The following TMEM132C variants were observed in gnomAD, a reference collection of about 807,000 sequenced individuals.
The protein encoded by TMEM132C is transmembrane protein 132C, also known as protein phosphatase 1, regulatory subunit 152.
TMEM132C carries 29 observed loss-of-function variants against 61.4 expected under a neutral mutation model. The ratio of observed to expected loss-of-function variants is 0.47; its 90% confidence interval spans 0.35 to 0.64. The LOEUF (loss-of-function observed/expected upper bound fraction) is 0.64, where lower values mean the gene tolerates loss of function less well. TMEM132C is among the 30% of genes least tolerant of loss of function. The pLI is 0.00. For missense variants in TMEM132C, 1,408 were observed against 1,476.9 expected (o/e 0.95, Z 0.76); for synonymous variants, 656 against 633.1 (o/e 1.04, Z -0.54).
intron 1 of TMEM132C, among the ~76,000 whole-genome samples, chr12:128,308,125 G>A (rs1871844291): frequency 6.6e-6 from 1 of 152,182 alleles, no homozygotes; most frequent in South Asian, 2.1e-4. Flanking sequence ...GGAGCTGCAG[G>A]TGGCCGTCTT....
intron 1 of TMEM132C, among the ~76,000 whole-genome samples, chr12:128,352,738 A>G (rs1873379394): frequency 1.3e-5 from 2 of 152,186 alleles, no homozygotes; most frequent in African/African-American, 4.8e-5. Flanking sequence ...CAGGGAGTCT[A>G]ATAGTTCACA....
chr12:128,695,908 C>T lies in TMEM132C; in HGVS notation c.1734C>T (p.Thr578=), dbSNP rs1473886530. ...RGCALQYQHA[T]VRVLTQFVSE... is the part of the protein sequence containing the mutation. The stretch of plus-strand genomic sequence containing the variant: ...GCGCACTGCAATACCAGCACGCCAC[C>T]GTGCGGGTCCTCACCCAGTTTGTGT... Residue 578 remains threonine, a synonymous_variant, in exon 7 of 9, where the codon ACC becomes ACT. Transcript: ENST00000435159. 15 of 1,551,548 alleles carry T rather than the reference C, an allele frequency of 9.7e-6. No individual in the cohort carries two copies. The highest frequency in any genetic ancestry group is 1.7e-4 in the Middle Eastern group (1 of 6,014).
At chr12:128,441,863 G>A (rs1593054594) in intron 2 of TMEM132C, among the ~76,000 whole-genome samples, 2 of 152,146 alleles carry the variant, frequency 1.3e-5, no homozygotes, top group African/African-American at 2.4e-5. Context: ...TTAGCCAGGT[G>A]TGGTGGTGGG....
At chr12:128,652,983 G>A (rs1028438043) in intron 4 of TMEM132C, among the ~76,000 whole-genome samples, 4 of 152,246 alleles carry the variant, frequency 2.6e-5, no homozygotes, top group South Asian at 4.1e-4. Context: ...TTAAATGTTC[G>A]TAGCAGCATT....
chr12:128,702,788 A>G (rs550855960), intron 8 of TMEM132C, among the ~76,000 whole-genome samples: 2 of 152,324 alleles, frequency 1.3e-5, no homozygotes, highest in Admixed American at 1.3e-4. Flanking sequence ...TTGCTGCTGT[A>G]TCTCTGGCTC....
intron 5 of TMEM132C, among the ~76,000 whole-genome samples, chr12:128,690,691 A>T (rs1036394581): frequency 3.3e-5 from 5 of 152,144 alleles, no homozygotes; most frequent in African/African-American, 1.2e-4. Flanking sequence ...CAAGCCTGGG[A>T]TGGCAACTAA....
intron 3 of TMEM132C, among the ~76,000 whole-genome samples, chr12:128,607,192 A>C (rs538779724): frequency 6.6e-6 from 1 of 152,178 alleles, no homozygotes; most frequent in Non-Finnish European, 1.5e-5. Flanking sequence ...AGCAAAGTGC[A>C]ATGATCCTAA....
chr12:128,568,928 T>C (rs1874786299), intron 3 of TMEM132C, among the ~76,000 whole-genome samples: 1 of 152,190 alleles, frequency 6.6e-6, no homozygotes, highest in Non-Finnish European at 1.5e-5. Flanking sequence ...AAATATTTAC[T>C]GAGATCCTTC....
chr12:128,347,399 C>G (rs1402713622), intron 1 of TMEM132C, among the ~76,000 whole-genome samples: 1 of 3,458 alleles, frequency 2.9e-4, no homozygotes, highest in Non-Finnish European at 2.9e-3. Flanking sequence ...ATATGTATGT[C>G]TCTCTCTCTC....
intron 2 of TMEM132C, among the ~76,000 whole-genome samples, chr12:128,502,412 A>T (rs555493032): frequency 6.6e-6 from 1 of 152,352 alleles, no homozygotes; most frequent in African/African-American, 2.4e-5. Context: ...GGCCATTTGG[A>T]TAATAATGGT....
Position 128,691,587 on chromosome 12 carries a change from T to A in TMEM132C, c.1450-2242T>A, listed in dbSNP as rs1252159541. 3.9e-5 allele frequency among the ~76,000 whole-genome samples: 6 copies of A among 152,246 alleles called. No individual in the cohort carries two copies. In the East Asian group the frequency reaches 1.2e-3, roughly 29 times the overall value. On this transcript the variant is annotated intron_variant, in intron 5 of 8. Transcript: ENST00000435159. Reference sequence around the variant, plus strand: ...ACCCATCTGTCTGTCCATCAGTGTGTGCATCTGTCCATCTGTTCAGCTGTC... The same window carrying A: ...ACCCATCTGTCTGTCCATCAGTGTGAGCATCTGTCCATCTGTTCAGCTGTC...
At chr12:128,286,776 C>A (rs1218237232) in intron 1 of TMEM132C, among the ~76,000 whole-genome samples, 2 of 152,140 alleles carry the variant, frequency 1.3e-5, no homozygotes, top group African/African-American at 4.8e-5. Context: ...CCAGTCCATG[C>A]AGCTGGAGTT....
chr12:128,331,275 A>G (rs1872658627), intron 1 of TMEM132C, among the ~76,000 whole-genome samples: 1 of 152,204 alleles, frequency 6.6e-6, no homozygotes, highest in Admixed American at 6.5e-5. Flanking sequence ...ATGCACATCA[A>G]TAAGCAATCG....
At chr12:128,424,496 G>T (rs1405513698) in intron 2 of TMEM132C, among the ~76,000 whole-genome samples, 1 of 150,826 alleles carries the variant, frequency 6.6e-6, no homozygotes. Context: ...CGTAATACAT[G>T]AATCCATTTA....
chr12:128,690,821 C>G (rs1486065335), intron 5 of TMEM132C, among the ~76,000 whole-genome samples: 1 of 152,138 alleles, frequency 6.6e-6, no homozygotes, highest in Admixed American at 6.5e-5. Context: ...CCAACTGCTC[C>G]CTGCCACTGT....
intron 1 of TMEM132C, among the ~76,000 whole-genome samples, chr12:128,403,987 C>G (rs1327494882): frequency 6.6e-6 from 1 of 152,138 alleles, no homozygotes; most frequent in African/African-American, 2.4e-5. Context: ...GGGGCACTGT[C>G]TTGTGCATTG....
intron 1 of TMEM132C, among the ~76,000 whole-genome samples, chr12:128,377,255 A>T (rs1256952512): frequency 1.3e-5 from 2 of 152,256 alleles, no homozygotes; most frequent in Non-Finnish European, 1.5e-5. Flanking sequence ...GGGTTTCATT[A>T]TGTTGGTCAG....
At chr12:128,370,834 C>T (rs1235894925) in intron 1 of TMEM132C, among the ~76,000 whole-genome samples, 2 of 152,020 alleles carry the variant, frequency 1.3e-5, no homozygotes, top group Non-Finnish European at 2.9e-5. Flanking sequence ...CCCATTTATT[C>T]ATAGAATTCA....
rs552663495 is a variant in TMEM132C at position 128,392,219 on chromosome 12, G to T, written c.86-22513G>T. Among the ~76,000 whole-genome samples, 4 of 152,284 alleles carry T rather than the reference G, an allele frequency of 2.6e-5. No individual in the cohort carries two copies. The South Asian group carries it at 8.3e-4, about 32-fold the overall frequency. On this transcript the variant is annotated intron_variant, in intron 1 of 8. Coordinates refer to ENST00000435159, the MANE Select transcript of TMEM132C (RefSeq NM_001136103.3). ...AGCAGCTCCTGGGGGGAGGTGGGTT[G>T]TCACTGCCACTTCATTCATCAAGAA...
Sources: allele counts gnomAD v4.1 joint callset (sites outside exome capture counted in the v4.1 genomes callset), GRCh38; gene constraint gnomAD v4.1.1; transcripts MANE v1.5; gene names NCBI Gene and HGNC (gene_info 2026-07-23, HGNC 2026-07-21).